Variants in CSMD3 observed in about 807,000 individuals in gnomAD.
CSMD3 encodes the protein CUB and sushi domain-containing protein 3.
In CSMD3, 177 loss-of-function variants were observed where a neutral mutation model predicts 435.2. The observed-to-expected ratio is 0.41, with a 90% confidence interval of 0.36 to 0.46. The LOEUF (loss-of-function observed/expected upper bound fraction) is 0.46. CSMD3 is among the 20% of genes least tolerant of loss of function. The pLI is 0.34. For synonymous variants in CSMD3, 1,656 were observed against 1,520.5 expected (o/e 1.09, Z -2.07); for missense variants, 4,265 against 4,504.6 (o/e 0.95, Z 1.52).
intron 11 of CSMD3, among the ~76,000 whole-genome samples, chr8:112,851,886 G>A (rs1000599067): frequency 6.6e-6 from 1 of 152,150 alleles, no homozygotes; most frequent in Non-Finnish European, 1.5e-5. Context: ...AGTCTCAGAG[G>A]ATAGAATCAG....
At chr8:113,322,291 T>G (rs995337570) in intron 1 of CSMD3, among the ~76,000 whole-genome samples, 16 of 152,202 alleles carry the variant, frequency 1.1e-4, no homozygotes, top group Middle Eastern at 3.2e-3. Flanking sequence ...TATCTTCTCA[T>G]GTTGTACTGG....
At chr8:112,560,099 C>T (rs996888904) in intron 24 of CSMD3, among the ~76,000 whole-genome samples, 2 of 151,722 alleles carry the variant, frequency 1.3e-5, no homozygotes, top group African/African-American at 4.8e-5. Flanking sequence ...CACTAATTTG[C>T]ATCATTGACT....
chr8:112,310,650 A>G (rs1480781071), intron 50 of CSMD3: 2 of 386,746 alleles, frequency 5.2e-6, no homozygotes, highest in African/African-American at 2.1e-5. Flanking sequence ...CTCTCTGCAG[A>G]CTTCATACTA....
At chr8:112,386,550 T>G (rs1337557990) in intron 36 of CSMD3, among the ~76,000 whole-genome samples, 3 of 151,878 alleles carry the variant, frequency 2.0e-5, no homozygotes, top group Admixed American at 6.6e-5. Flanking sequence ...CAGGATGGAG[T>G]GCAGTGGCGC....
At chr8:112,246,482 C>T (rs1292993730) in intron 64 of CSMD3, among the ~76,000 whole-genome samples, 1 of 152,104 alleles carries the variant, frequency 6.6e-6, no homozygotes, top group Admixed American at 6.6e-5. Flanking sequence ...TATTTAGTGG[C>T]CCCAGGCTTT....
At chr8:112,298,597 T>C (rs1563755903) in intron 53 of CSMD3, among the ~76,000 whole-genome samples, 1 of 152,052 alleles carries the variant, frequency 6.6e-6, no homozygotes, top group Non-Finnish European at 1.5e-5. Context: ...ATGAAGGCCT[T>C]GTAACAAGAA....
chr8:112,964,775 T>C (rs185774518), intron 7 of CSMD3, among the ~76,000 whole-genome samples: 73 of 151,974 alleles, frequency 4.8e-4, no homozygotes, highest in African/African-American at 1.7e-3. Flanking sequence ...GAAAATACAA[T>C]TGGAAGAATA....
intron 5 of CSMD3, among the ~76,000 whole-genome samples, chr8:113,076,387 C>G (rs754839499): frequency 6.6e-6 from 1 of 151,822 alleles, no homozygotes; most frequent in Non-Finnish European, 1.5e-5. Context: ...TCTGAATGAA[C>G]TTAAATAATA....
intron 6 of CSMD3, among the ~76,000 whole-genome samples, chr8:112,988,244 T>C (rs984536687): frequency 6.6e-6 from 1 of 152,058 alleles, no homozygotes; most frequent in Non-Finnish European, 1.5e-5. Flanking sequence ...GTTTTTCCTG[T>C]CAAATATGAT....
chr8:113,200,132 G>GCAGCATTTT (rs1172525267), intron 3 of CSMD3, among the ~76,000 whole-genome samples: 1 of 151,720 alleles, frequency 6.6e-6, no homozygotes, highest in Non-Finnish European at 1.5e-5. Context: ...TTAATAACCG[G>GCAGCATTTT]CAGCATTTTA....
chr8:113,052,671 A>C (rs549337270), intron 5 of CSMD3, among the ~76,000 whole-genome samples: 1 of 152,268 alleles, frequency 6.6e-6, no homozygotes, highest in East Asian at 1.9e-4. Context: ...AGTCCAAGCT[A>C]CTTGGGAGGC....
chr8:112,564,169 G>A (rs1336331243), intron 24 of CSMD3, among the ~76,000 whole-genome samples: 1 of 150,888 alleles, frequency 6.6e-6, no homozygotes, highest in Non-Finnish European at 1.5e-5. Context: ...TGACTTGTAG[G>A]ATTTCTTTTT....
chr8:112,505,909 T>G (rs924607281), intron 29 of CSMD3, among the ~76,000 whole-genome samples: 1 of 152,090 alleles, frequency 6.6e-6, no homozygotes, highest in African/African-American at 2.4e-5. Flanking sequence ...ATGCACTTCA[T>G]GTAATATGTC....
rs190455393 is a variant in CSMD3, at chr8:113,229,251, G to A, written c.514+49341C>T. 4.6e-5 allele frequency among the ~76,000 whole-genome samples: 7 copies of A among 151,698 alleles called. No individual in the cohort carries two copies. The East Asian group carries it at 1.4e-3, about 29-fold the overall frequency. ...GTGGTGCTGTGAAACTATCCTTTAA[G>A]TGTGTATATCTCACATGTTGTTTAT... On this transcript the variant is annotated intron_variant, in intron 3 of 70. Coordinates refer to ENST00000297405, the MANE Select transcript of CSMD3 (RefSeq NM_198123.2).
At chr8:112,875,396 T>A (rs1174349605) in intron 10 of CSMD3, among the ~76,000 whole-genome samples, 1 of 152,146 alleles carries the variant, frequency 6.6e-6, no homozygotes. Context: ...ATTATATTTC[T>A]TGGGGTTGCT....
At chr8:113,071,827 AT>A (rs2089136402) in intron 5 of CSMD3, among the ~76,000 whole-genome samples, 1 of 151,650 alleles carries the variant, frequency 6.6e-6, no homozygotes, top group African/African-American at 2.4e-5. Context: ...AATTTTATGA[AT>A]TTTTTTCCAT....
At chr8:112,403,931 T>C (rs1408258567) in intron 35 of CSMD3, among the ~76,000 whole-genome samples, 1 of 152,206 alleles carries the variant, frequency 6.6e-6, no homozygotes, top group Non-Finnish European at 1.5e-5. Context: ...AATTATTTTT[T>C]GTAAGTGTTC....
intron 4 of CSMD3, among the ~76,000 whole-genome samples, chr8:113,115,021 C>T (rs186280559): frequency 6.6e-6 from 1 of 152,312 alleles, no homozygotes; most frequent in East Asian, 1.9e-4. Flanking sequence ...TTGCACCCTT[C>T]CCTGTACCTA....
chr8:112,818,128 T>C (rs1261289830), intron 12 of CSMD3, among the ~76,000 whole-genome samples: 3 of 152,012 alleles, frequency 2.0e-5, no homozygotes. Context: ...TAATTGATTT[T>C]ACCTTTTAGA....
Sources: gnomAD v4.1 joint callset for allele counts (sites outside exome capture counted in the v4.1 genomes callset) on GRCh38, gnomAD v4.1.1 for gene constraint, MANE v1.5 for transcripts, NCBI Gene and HGNC (gene_info 2026-07-23, HGNC 2026-07-21) for gene names.